SPTLC3: variants seen among roughly 807,000 people sequenced by gnomAD.
SPTLC3 encodes the protein serine palmitoyltransferase 3.
Under a neutral mutation model 59.3 loss-of-function variants are expected in SPTLC3, and 36 were observed. The observed-to-expected ratio is 0.61, with a 90% confidence interval of 0.47 to 0.80. SPTLC3 has a LOEUF of 0.80. Ranked by LOEUF, SPTLC3 falls within the 30% of genes least tolerant of loss-of-function variation. SPTLC3 has a pLI of 0.00. For missense variants in SPTLC3, 625 were observed against 685.1 expected (o/e 0.91, Z 0.98); for synonymous variants, 257 against 240.8 (o/e 1.07, Z -0.62).
intron 1 of SPTLC3, among the ~76,000 whole-genome samples, chr20:13,028,027 C>T (rs997274750): frequency 4.6e-5 from 7 of 152,304 alleles, no homozygotes; most frequent in Non-Finnish European, 5.9e-5. Flanking sequence ...CAAGGGCACA[C>T]GAGTCAATTC....
At chr20:13,144,908 G>A (rs1285606774) in intron 9 of SPTLC3, among the ~76,000 whole-genome samples, 3 of 152,116 alleles carry the variant, frequency 2.0e-5, no homozygotes, top group Non-Finnish European at 4.4e-5. Context: ...CCAAGTAGCT[G>A]GGACTACAGG....
chr20:13,056,442 G>A (rs1987726539), intron 2 of SPTLC3, among the ~76,000 whole-genome samples: 1 of 138,678 alleles, frequency 7.2e-6, no homozygotes, highest in Non-Finnish European at 1.5e-5. Context: ...ATAGACTGAC[G>A]CTTTAACTTT....
intron 1 of SPTLC3, among the ~76,000 whole-genome samples, chr20:13,019,084 C>T (rs180992426): frequency 1.3e-3 from 191 of 152,234 alleles, no homozygotes; most frequent in African/African-American, 3.4e-3. Context: ...CTGAGCCCAG[C>T]GGAGTTTCAG....
chr20:13,041,318 C>T (rs6033589), intron 1 of SPTLC3, among the ~76,000 whole-genome samples: 21,167 of 151,800 alleles, frequency 0.14, 2,206 homozygotes, highest in African/African-American at 0.3. Flanking sequence ...TTGTATTGCA[C>T]AAATTCCCCT....
intron 3 of SPTLC3, 41 bp downstream of exon 3, chr20:13,072,451 C>G (rs1360459774): frequency 6.6e-7 from 1 of 1,504,250 alleles, no homozygotes. Flanking sequence ...AAAGAAAAAC[C>G]TTTCAAGGAA....
intron 9 of SPTLC3, among the ~76,000 whole-genome samples, chr20:13,153,178 C>G (rs1160576592): frequency 6.6e-6 from 1 of 152,156 alleles, no homozygotes; most frequent in Admixed American, 6.5e-5. Context: ...GCTTACTTAC[C>G]CACCTGTTTT....
intron 1 of SPTLC3, among the ~76,000 whole-genome samples, chr20:13,045,394 T>C (rs1987187927): frequency 6.6e-6 from 1 of 152,220 alleles, no homozygotes. Context: ...GCAAACTTAT[T>C]AAGCAAGATT....
rs1987352228 is a variant in SPTLC3 at position 13,049,012 on chromosome 20, T to C, written c.185T>C (p.Val62Ala). The change falls in exon 2 of 12, where the codon GTT (valine) becomes GCT (alanine). Residue 62 changes from valine (V) to alanine (A), a missense_variant. Val to Ala is a moderately conservative substitution (Grantham distance 64, BLOSUM62 0). Coordinates refer to ENST00000399002, the MANE Select transcript of SPTLC3 (RefSeq NM_018327.4). ...TCGTTTGAGGAAGCACCCCTTCATGTTATGGTTTTCACTTACATGGGATAT... is the reference window on the plus strand; with the variant it reads ...TCGTTTGAGGAAGCACCCCTTCATGCTATGGTTTTCACTTACATGGGATAT... ...VESFEEAPLHVMVFTYMGYGI... is the reference protein window; with the variant it reads ...VESFEEAPLHAMVFTYMGYGI... 6.2e-7 allele frequency: 1 copy of C among 1,611,298 alleles called. No homozygotes were observed. The highest frequency in any genetic ancestry group is 1.7e-5 in the Admixed American group (1 of 59,326).
intron 4 of SPTLC3, among the ~76,000 whole-genome samples, chr20:13,078,435 A>G: frequency 6.6e-6 from 1 of 151,706 alleles, no homozygotes; most frequent in East Asian, 1.9e-4. Flanking sequence ...AAAATTTTAA[A>G]TAGAACATAA....
chr20:13,117,561 A>T lies in SPTLC3; in HGVS notation c.988A>T (p.Lys330Ter). The change falls in exon 8 of 12, where the codon AAG becomes TAG. Residue 330 changes from lysine to a stop codon, truncating the protein, a stop_gained. Coordinates refer to ENST00000399002, the MANE Select transcript of SPTLC3 (RefSeq NM_018327.4). LOFTEE classifies it high-confidence loss of function. ...PQIIALKKKY[K>*]AYLYIDEAHS... ...GATCATAGCTCTAAAGAAGAAATAC[A>T]AGGCTTACCTCTACATAGATGAAGC... The T allele has an allele frequency of 6.2e-7, 1 of 1,612,578 alleles. No homozygotes were observed. Among genetic ancestry groups the T allele is most frequent in the Non-Finnish European group, 8.5e-7 (1 of 1,179,478 alleles).
chr20:13,163,259 T>C (rs1455769760), intron 11 of SPTLC3, among the ~76,000 whole-genome samples: 1 of 149,546 alleles, frequency 6.7e-6, no homozygotes, highest in Non-Finnish European at 1.5e-5. Context: ...TCCCAGCTAC[T>C]CGAACTGCTG....
intron 2 of SPTLC3, chr20:13,050,884 T>C (rs1269451053): frequency 6.6e-6 from 1 of 152,060 alleles, no homozygotes; most frequent in Non-Finnish European, 1.5e-5. Flanking sequence ...GCCGAGATAA[T>C]TCACACCAAG....
intron 9 of SPTLC3, among the ~76,000 whole-genome samples, chr20:13,135,031 T>C (rs1488674917): frequency 6.6e-6 from 1 of 152,190 alleles, no homozygotes; most frequent in African/African-American, 2.4e-5. Flanking sequence ...TCACATAACT[T>C]TTTGAAGTAT....
Position 13,082,157 on chromosome 20 carries a change from T to G in SPTLC3, c.607+7660T>G, listed in dbSNP as rs551020386. Among the ~76,000 whole-genome samples the G allele has an allele frequency of 3.9e-5, 6 of 152,322 alleles. No homozygotes were observed. In the South Asian group the frequency reaches 1.2e-3, roughly 32 times the overall value. On this transcript the variant is annotated intron_variant, in intron 4 of 11. Transcript: ENST00000399002. The stretch of plus-strand genomic sequence containing the variant: ...GCCAGCAAAGTGATATCTGGGATGA[T>G]CAAACAATGTTGAAACTCATAGAAT...
chr20:13,121,719 C>A (rs1273184273), intron 8 of SPTLC3, among the ~76,000 whole-genome samples: 1 of 152,106 alleles, frequency 6.6e-6, no homozygotes, highest in African/African-American at 2.4e-5. Context: ...CTCCCTGACA[C>A]TCTCCAGAAG....
intron 8 of SPTLC3, among the ~76,000 whole-genome samples, chr20:13,120,980 C>A (rs1261736398): frequency 6.6e-6 from 1 of 152,248 alleles, no homozygotes; most frequent in Non-Finnish European, 1.5e-5. Flanking sequence ...ATCACTACTT[C>A]TCTCCACCTG....
chr20:13,137,688 A>G (rs985359371), intron 9 of SPTLC3, among the ~76,000 whole-genome samples: 1 of 152,268 alleles, frequency 6.6e-6, no homozygotes, highest in Admixed American at 6.5e-5. Flanking sequence ...ATGTTTAAAA[A>G]CATAGATAAG....
intron 6 of SPTLC3, among the ~76,000 whole-genome samples, chr20:13,109,386 T>C (rs1391550797): frequency 6.6e-6 from 1 of 152,222 alleles, no homozygotes; most frequent in Non-Finnish European, 1.5e-5. Context: ...ATTCTGTTGC[T>C]TATGATAGAC....
intron 3 of SPTLC3, 139 bp from the exon 4 acceptor site, chr20:13,074,210 C>T (rs1988555220): frequency 9.0e-7 from 1 of 1,115,702 alleles, no homozygotes; most frequent in South Asian, 1.3e-5. Context: ...TGTTCCACCT[C>T]ACAGATCTGA....
Sources: allele counts gnomAD v4.1 joint callset (sites outside exome capture counted in the v4.1 genomes callset), GRCh38; gene constraint gnomAD v4.1.1; transcripts MANE v1.5; gene names NCBI Gene and HGNC (gene_info 2026-07-23, HGNC 2026-07-21).